The following SLC19A1 variants were observed in gnomAD, a reference collection of about 807,000 sequenced individuals.
SLC19A1 encodes solute carrier family 19 member 1, also known as reduced folate transporter.
SLC19A1 carries 37 observed loss-of-function variants against 35.3 expected under a neutral mutation model. The ratio of observed to expected loss-of-function variants is 1.05; its 90% CI spans 0.81 to 1.38. SLC19A1 has a LOEUF of 1.38. Among genes scored for constraint, SLC19A1 ranks in the 40% most tolerant of loss-of-function variants. SLC19A1 has a pLI of 0.00. For synonymous variants in SLC19A1, 460 were observed against 398.5 expected, an observed-to-expected ratio of 1.15 and a Z score of -1.84; for missense variants, 831 against 826.9, an observed-to-expected ratio of 1.00 and a Z score of -0.06.
intron 2 of SLC19A1, 52 bp downstream of exon 2, chr21:45,537,719 T>TGGGGGGGGCCCCCCCC: frequency 9.4e-6 from 3 of 319,776 alleles, no homozygotes; most frequent in Non-Finnish European, 1.7e-5. Flanking sequence ...CAGACGCTGC[T>TGGGGGGGGCCCCCCCC]CCCCGCCCAC....
At chr21:45,529,281 C>T (rs762660065) in intron 4 of SLC19A1, among the ~76,000 whole-genome samples, 2 of 152,196 alleles carry the variant, frequency 1.3e-5, no homozygotes, top group Non-Finnish European at 1.5e-5. Context: ...CAGGATGCTG[C>T]AGGGGTGAGG....
intron 1 of SLC19A1, among the ~76,000 whole-genome samples, chr21:45,539,151 C>T (rs1248968910): frequency 6.6e-6 from 1 of 152,226 alleles, no homozygotes; most frequent in Admixed American, 6.5e-5. Flanking sequence ...CAAAAGTGAA[C>T]TGCCATAAAC....
chr21:45,537,317 C>T (rs2078145083), intron 2 of SLC19A1, among the ~76,000 whole-genome samples: 1 of 152,196 alleles, frequency 6.6e-6, no homozygotes, highest in African/African-American at 2.4e-5. Flanking sequence ...ACCATATTAT[C>T]AGCTGACACG....
chr21:45,504,465 AGCCC>A, intron 3 of SLC19A1: 2 of 1,609,826 alleles, frequency 1.2e-6, no homozygotes, highest in South Asian at 1.1e-5. Context: ...GAAAGGGGGG[AGCCC>A]GGGGGCGGCG....
At chr21:45,503,720 G>T (rs1399744080) in intron 3 of SLC19A1, among the ~76,000 whole-genome samples, 1 of 151,220 alleles carries the variant, frequency 6.6e-6, no homozygotes, top group Non-Finnish European at 1.5e-5. Flanking sequence ...ACACCAGCAT[G>T]GCACATGTAT....
downstream of SLC19A1, chr21:45,510,168 C>A (rs780524877): frequency 4.3e-5 from 69 of 1,595,748 alleles, 9 homozygotes; most frequent in South Asian, 7.4e-4. Context: ...GGCTGGCGGG[C>A]ACCTTCCGCG....
intron 3 of SLC19A1, chr21:45,504,454 C>G (rs777932212): frequency 6.2e-7 from 1 of 1,611,070 alleles, no homozygotes; most frequent in African/African-American, 1.3e-5. Flanking sequence ...GACAGAAAGG[C>G]GAAAGGGGGG....
intron 1 of SLC19A1, among the ~76,000 whole-genome samples, chr21:45,550,806 C>T (rs2078457921): frequency 6.6e-6 from 1 of 152,124 alleles, no homozygotes; most frequent in Admixed American, 6.5e-5. Context: ...CCTCCACCTT[C>T]TCAACCTCCC....
downstream of SLC19A1, chr21:45,509,426 A>G (rs1733305892): frequency 1.1e-5 from 17 of 1,535,354 alleles, no homozygotes; most frequent in Non-Finnish European, 1.5e-5. Flanking sequence ...CCGCGGCGGG[A>G]GCACCCCCAC....
intron 1 of SLC19A1, among the ~76,000 whole-genome samples, chr21:45,541,399 G>A (rs972666633): frequency 2.0e-5 from 3 of 152,228 alleles, no homozygotes. Context: ...TCTCCGTAGG[G>A]GGAGGCCACC....
In SLC19A1 at chr21:45,515,429, C is replaced by T; in HGVS notation, c.*229G>A. ...GCCCACCACCCACCTCTTCCAGCAA[C>T]AAAGCCCGCGGGGCACAGTGCAGGG... On this transcript the variant is annotated 3_prime_UTR_variant, in exon 6 of 6. Coordinates refer to ENST00000311124, the MANE Select transcript of SLC19A1 (RefSeq NM_194255.4). The T allele has an allele frequency of 7.5e-7, 1 of 1,334,560 alleles. No homozygotes were observed. Among genetic ancestry groups the T allele is most frequent in the Non-Finnish European group, 9.4e-7 (1 of 1,063,972 alleles). The allele number at this position is 1,334,560 out of a possible 1,614,324, so 82.7% of individuals were successfully genotyped here.
intron 2 of SLC19A1, among the ~76,000 whole-genome samples, chr21:45,536,846 C>T (rs3788201): frequency 0.51 from 77,392 of 151,840 alleles, 20,466 homozygotes; most frequent in South Asian, 0.59. Context: ...CCAGCTGGGC[C>T]GGCAGCCTGT....
chr21:45,512,039 C>A, downstream of SLC19A1: 3 of 815,046 alleles, frequency 3.7e-6, no homozygotes, highest in Non-Finnish European at 4.1e-6. Context: ...AGCAGGGAGG[C>A]CATGTGGCCC....
downstream of SLC19A1, chr21:45,511,067 C>T (rs369310776): frequency 3.8e-5 from 33 of 869,510 alleles, 2 homozygotes; most frequent in Admixed American, 7.2e-5. Context: ...CACCCATCCA[C>T]ACCCCCACAC....
At chr21:45,539,239 G>A (rs190009982) in intron 1 of SLC19A1, among the ~76,000 whole-genome samples, 8 of 152,340 alleles carry the variant, frequency 5.3e-5, no homozygotes, top group Admixed American at 3.3e-4. Context: ...TGCACCTCAC[G>A]TCTGTATCAG....
chr21:45,521,724 A>C (rs950557411), intron 5 of SLC19A1, among the ~76,000 whole-genome samples: 2 of 152,242 alleles, frequency 1.3e-5, no homozygotes, highest in Non-Finnish European at 2.9e-5. Context: ...AAATATGCCC[A>C]ACTTTTGACA....
chr21:45,548,009 CAA>C (rs2078431164), upstream of SLC19A1, among the ~76,000 whole-genome samples: 1 of 152,186 alleles, frequency 6.6e-6, no homozygotes, highest in African/African-American at 2.4e-5. Context: ...GATGGAAATG[CAA>C]AAGACTTACA....
upstream of SLC19A1, among the ~76,000 whole-genome samples, chr21:45,548,015 A>G (rs1017344227): frequency 6.6e-6 from 1 of 152,258 alleles, no homozygotes; most frequent in African/African-American, 2.4e-5. Context: ...AATGCAAAAG[A>G]CTTACAATAG....
At position 45,514,303 on chromosome 21, in the gene SLC19A1, G is replaced by A. The variant is rs2037775167; in HGVS notation, c.*1355C>T. On this transcript the variant is annotated 3_prime_UTR_variant, in exon 6 of 6. Coordinates refer to ENST00000311124, the MANE Select transcript of SLC19A1 (RefSeq NM_194255.4). ...CCAGGGTGGCCATGACAGAGCCCCT[G>A]GATGCACCTGGGACCATGGCCCTGT... 2 of 151,202 alleles carry A rather than the reference G, an allele frequency of 1.3e-5. No homozygotes were observed. The highest frequency in any genetic ancestry group is 4.2e-4 in the South Asian group (2 of 4,804). 9.4% of individuals were successfully genotyped at this position (151,202 alleles called of 1,614,324 possible).
Sources: allele counts gnomAD v4.1 joint callset (sites outside exome capture counted in the v4.1 genomes callset), GRCh38; gene constraint gnomAD v4.1.1; transcripts MANE v1.5; gene names NCBI Gene and HGNC (gene_info 2026-07-23, HGNC 2026-07-21).